Variants in FAF1 observed in about 807,000 individuals in gnomAD.
FAF1 encodes the protein Fas associated factor 1.
A neutral mutation model predicts 92.5 loss-of-function variants in FAF1; 25 were observed. The ratio of observed to expected loss-of-function variants is 0.27; its 90% CI spans 0.20 to 0.38. FAF1 has a LOEUF of 0.38. Among genes scored for constraint, FAF1 ranks in the 10% least tolerant of loss-of-function variants. FAF1 has a pLI of 1.00. For missense variants in FAF1, 636 were observed against 793.3 expected, an observed-to-expected ratio of 0.80 and a Z score of 2.38; for synonymous variants, 234 against 273.2, an observed-to-expected ratio of 0.86 and a Z score of 1.42.
intron 1 of FAF1, among the ~76,000 whole-genome samples, chr1:50,903,507 T>C (rs1433126686): frequency 6.6e-6 from 1 of 152,206 alleles, no homozygotes; most frequent in Non-Finnish European, 1.5e-5. Flanking sequence ...AAATGATGTA[T>C]CTTTAGTATA....
At chr1:50,803,285 T>C (rs898795776) in intron 2 of FAF1, among the ~76,000 whole-genome samples, 2 of 152,016 alleles carry the variant, frequency 1.3e-5, no homozygotes, top group Admixed American at 1.3e-4. Context: ...CTTAGAAAGA[T>C]TTGGTTCAAA....
intron 7 of FAF1, among the ~76,000 whole-genome samples, chr1:50,694,024 C>CATATACATGACATATATG (rs1657068200): frequency 1.3e-5 from 2 of 148,452 alleles, no homozygotes; most frequent in African/African-American, 5.2e-5. Flanking sequence ...ACATATATGA[C>CATATACATGACATATATG]ATATATATGA....
At chr1:50,489,151 T>C (rs1646800559) in intron 17 of FAF1, among the ~76,000 whole-genome samples, 1 of 152,248 alleles carries the variant, frequency 6.6e-6, no homozygotes, top group Non-Finnish European at 1.5e-5. Flanking sequence ...TTTTCTTGAT[T>C]TGCTGTTACT....
intron 12 of FAF1, among the ~76,000 whole-genome samples, chr1:50,574,177 G>A (rs1650600016): frequency 6.6e-6 from 1 of 152,188 alleles, no homozygotes. Context: ...GCTGACAGAT[G>A]TTCATTGGGT....
At chr1:50,716,227 T>C (rs189953530) in intron 6 of FAF1, among the ~76,000 whole-genome samples, 47 of 152,270 alleles carry the variant, frequency 3.1e-4, no homozygotes, top group African/African-American at 1.1e-3. Context: ...CAAACTGTCT[T>C]GAACCAATAA....
intron 1 of FAF1, among the ~76,000 whole-genome samples, chr1:50,936,938 C>T (rs557770875): frequency 6.6e-5 from 10 of 151,788 alleles, no homozygotes; most frequent in Non-Finnish European, 1.3e-4. Context: ...GGGAGTCAGA[C>T]GAAGCAGAGA....
chr1:50,834,059 C>T (rs1290779550), intron 2 of FAF1, among the ~76,000 whole-genome samples: 1 of 152,164 alleles, frequency 6.6e-6, no homozygotes, highest in African/African-American at 2.4e-5. Flanking sequence ...ACTGGATCAT[C>T]GGGCGGATTT....
At chr1:50,885,943 A>ATG (rs757610701) in intron 1 of FAF1, among the ~76,000 whole-genome samples, 1 of 152,162 alleles carries the variant, frequency 6.6e-6, no homozygotes, top group Non-Finnish European at 1.5e-5. Flanking sequence ...AACTGTTTAC[A>ATG]TAAACAAAAA....
At chr1:50,750,833 G>A (rs1015862671) in intron 4 of FAF1, among the ~76,000 whole-genome samples, 1 of 151,458 alleles carries the variant, frequency 6.6e-6, no homozygotes, top group African/African-American at 2.4e-5. Flanking sequence ...ATGCAGGCCA[G>A]GCTGGTCTCA....
At chr1:50,664,772 C>T (rs959983943) in intron 7 of FAF1, among the ~76,000 whole-genome samples, 4 of 151,126 alleles carry the variant, frequency 2.6e-5, no homozygotes, top group South Asian at 4.2e-4. Flanking sequence ...CCAGACTGGG[C>T]GACAGAGCGA....
At chr1:50,546,453 C>A (rs1451981733) in intron 13 of FAF1, among the ~76,000 whole-genome samples, 3 of 152,124 alleles carry the variant, frequency 2.0e-5, no homozygotes, top group Non-Finnish European at 1.5e-5. Flanking sequence ...GCAACCTTTG[C>A]CACCTGGGTT....
chr1:50,931,884 AAATAAATAATAATAATAAT>A (rs1344878727), intron 1 of FAF1, among the ~76,000 whole-genome samples: 1 of 65,350 alleles, frequency 1.5e-5, no homozygotes, highest in African/African-American at 4.9e-5. Flanking sequence ...AAAAATAAAT[AAATAAATAATAATAATAAT>A]AATAATAATA....
intron 8 of FAF1, among the ~76,000 whole-genome samples, chr1:50,621,036 C>T (rs1003031724): frequency 3.3e-5 from 5 of 152,246 alleles, no homozygotes; most frequent in Non-Finnish European, 7.3e-5. Flanking sequence ...GGGAGGCACA[C>T]CCTGCTCCTA....
At chr1:50,917,183 G>A (rs935122470) in intron 1 of FAF1, among the ~76,000 whole-genome samples, 1 of 152,184 alleles carries the variant, frequency 6.6e-6, no homozygotes, top group Non-Finnish European at 1.5e-5. Context: ...TTCCAGATGG[G>A]CTAGAGTAGC....
Position 50,704,863 on chromosome 1 carries a change from T to C in FAF1, c.657+923A>G, listed in dbSNP as rs183664158. On this transcript the variant is annotated intron_variant, in intron 7 of 18. Transcript: ENST00000396153. ...TAACACAATATAAAAAAGGAAACCA[T>C]TAATAGTCTACAGAAACAGTTCATA... Among the ~76,000 whole-genome samples the C allele has an allele frequency of 3.1e-3, 475 of 152,236 alleles. 4 individuals are homozygous for C. The highest frequency in any genetic ancestry group is 0.011 in the African/African-American group (441 of 41,564).
At chr1:50,539,768 G>C (rs772392052) in intron 13 of FAF1, 40 bp from the exon 14 acceptor site, 1 of 1,500,850 alleles carries the variant, frequency 6.7e-7, no homozygotes. Context: ...TTGCTTTGTA[G>C]TTTAATAGAT....
At chr1:50,756,943 A>C (rs534960761) in intron 4 of FAF1, among the ~76,000 whole-genome samples, 1 of 152,334 alleles carries the variant, frequency 6.6e-6, no homozygotes, top group South Asian at 2.1e-4. Context: ...GGACACAGCC[A>C]AACCATATCA....
At chr1:50,526,911 G>A (rs995950531) in intron 15 of FAF1, among the ~76,000 whole-genome samples, 1 of 151,308 alleles carries the variant, frequency 6.6e-6, no homozygotes, top group East Asian at 1.9e-4. Flanking sequence ...CTGGAGTGTA[G>A]TGGCGTGATC....
chr1:50,530,238 GGTGTGTGTGTGTGT>G (rs72220248), intron 15 of FAF1, among the ~76,000 whole-genome samples: 11 of 141,676 alleles, frequency 7.8e-5, no homozygotes, highest in Middle Eastern at 3.5e-3. Flanking sequence ...TTTAAGAAGT[GGTGTGTGTGTGTGT>G]GTGTGTGTGT....
Sources: allele counts gnomAD v4.1 joint callset (sites outside exome capture counted in the v4.1 genomes callset), GRCh38; gene constraint gnomAD v4.1.1; transcripts MANE v1.5; gene names NCBI Gene and HGNC (gene_info 2026-07-23, HGNC 2026-07-21).